BPNT2: variants seen among roughly 807,000 people sequenced by gnomAD.
BPNT2 encodes the protein Golgi-resident adenosine 3',5'-bisphosphate 3'-phosphatase.
Under a neutral mutation model 29.3 loss-of-function variants are expected in BPNT2, and 11 were observed. That is an observed-to-expected ratio of 0.38 (90% CI 0.24 to 0.62). The LOEUF (loss-of-function observed/expected upper bound fraction) is 0.62. BPNT2 is among the 20% of genes least tolerant of loss of function. BPNT2 has a pLI of 0.62. For synonymous variants in BPNT2, 195 were observed against 187.7 expected, an observed-to-expected ratio of 1.04 and a Z score of -0.32; for missense variants, 459 against 473.4, an observed-to-expected ratio of 0.97 and a Z score of 0.28.
intron 3 of BPNT2, among the ~76,000 whole-genome samples, chr8:56,974,226 C>T (rs930105288): frequency 1.3e-5 from 2 of 152,076 alleles, no homozygotes; most frequent in South Asian, 2.1e-4. Context: ...TGAGGCTATT[C>T]GCAGTTCAGT....
intron 3 of BPNT2, among the ~76,000 whole-genome samples, chr8:56,968,454 A>G (rs1306500937): frequency 6.6e-6 from 1 of 152,120 alleles, no homozygotes; most frequent in African/African-American, 2.4e-5. Context: ...AAGAAAAATT[A>G]ATGGGATAGA....
chr8:56,977,300 T>C (rs1806157447), intron 3 of BPNT2, among the ~76,000 whole-genome samples: 1 of 152,134 alleles, frequency 6.6e-6, no homozygotes, highest in Admixed American at 6.6e-5. Flanking sequence ...TAGTTTCTTC[T>C]GGAGGCTTTG....
chr8:56,979,100 A>C (rs1230965513), intron 2 of BPNT2, among the ~76,000 whole-genome samples: 4 of 152,140 alleles, frequency 2.6e-5, no homozygotes, highest in African/African-American at 7.2e-5. Flanking sequence ...AAAATCACAC[A>C]AACAAAAGAG....
chr8:56,959,633 T>A lies in BPNT2; in HGVS notation c.*4160A>T, dbSNP rs907339742. 6.6e-6 allele frequency: 1 copy of A among 152,204 alleles called. No homozygotes were observed. The highest frequency in any genetic ancestry group is 2.4e-5 in the African/African-American group (1 of 41,438). The allele number at this position is 152,204 out of a possible 1,614,324, so 9.4% of individuals were successfully genotyped here. On this transcript the variant is annotated 3_prime_UTR_variant, in exon 5 of 5. Coordinates refer to ENST00000262644, the MANE Select transcript of BPNT2 (RefSeq NM_017813.5). Reference sequence around the variant, plus strand: ...CTAAGATTTGTAAAACTGTGATCTATCCTGGTCTAATATTATTAAAATTAA... The same window carrying A: ...CTAAGATTTGTAAAACTGTGATCTAACCTGGTCTAATATTATTAAAATTAA...
At chr8:56,989,938 G>T (rs566357126) in intron 1 of BPNT2, among the ~76,000 whole-genome samples, 94 of 152,216 alleles carry the variant, frequency 6.2e-4, no homozygotes, top group African/African-American at 2.1e-3. Flanking sequence ...TCTGTTTTCA[G>T]TGCTTATGTC....
In BPNT2 at chr8:56,961,488, T is replaced by TA. The variant is rs1245680785; in HGVS notation, c.*2304dup. On this transcript the variant is annotated 3_prime_UTR_variant, in exon 5 of 5. Coordinates refer to ENST00000262644, the MANE Select transcript of BPNT2 (RefSeq NM_017813.5). Reference sequence around the variant, plus strand: ...CAACATATTATAAAAATAATGTATTTAACTCTCAACCAATACCTTAAGTTT... The same window carrying TA: ...CAACATATTATAAAAATAATGTATTTAAACTCTCAACCAATACCTTAAGTTT... The TA allele has an allele frequency of 1.3e-5, 2 of 152,208 alleles. No homozygotes were observed. The highest frequency in any genetic ancestry group is 4.8e-5 in the African/African-American group (2 of 41,442). The allele number at this position is 152,208 out of a possible 1,614,324, so 9.4% of individuals were successfully genotyped here.
At chr8:56,966,059 C>A in intron 4 of BPNT2, 132 bp downstream of exon 4, 1 of 974,788 alleles carries the variant, frequency 1.0e-6, no homozygotes, top group Non-Finnish European at 1.6e-6. Flanking sequence ...AAACAGGAGA[C>A]CAAGCCTGTC....
chr8:56,960,342 T>A lies in BPNT2; in HGVS notation c.*3451A>T, dbSNP rs1236658592. ...GACCAGGGTAGATGTCTGCTTTGCA[T>A]CCTCCCTGTTACCCTTCTCCTGACC... On this transcript the variant is annotated 3_prime_UTR_variant, in exon 5 of 5. Coordinates refer to ENST00000262644, the MANE Select transcript of BPNT2 (RefSeq NM_017813.5). The A allele has an allele frequency of 2.0e-5, 3 of 152,170 alleles. No individual in the cohort carries two copies. Among genetic ancestry groups the A allele is most frequent in the Middle Eastern group, 3.1e-3 (1 of 318 alleles). 9.4% of individuals were successfully genotyped at this position (152,170 alleles called of 1,614,324 possible).
At chr8:56,979,598 A>T (rs1806206384) in intron 2 of BPNT2, among the ~76,000 whole-genome samples, 1 of 152,202 alleles carries the variant, frequency 6.6e-6, no homozygotes, top group Non-Finnish European at 1.5e-5. Context: ...TAAATAGATA[A>T]ACTGTAACAT....
At chr8:56,993,040 T>C (rs958724154) in intron 1 of BPNT2, among the ~76,000 whole-genome samples, 159 bp downstream of exon 1, 2 of 152,040 alleles carry the variant, frequency 1.3e-5, no homozygotes, top group African/African-American at 2.4e-5. Context: ...CTCACCCAGC[T>C]CCTCTGCTGT....
intron 3 of BPNT2, among the ~76,000 whole-genome samples, chr8:56,974,586 CA>C (rs1806098359): frequency 6.6e-6 from 1 of 152,176 alleles, no homozygotes; most frequent in Non-Finnish European, 1.5e-5. Flanking sequence ...AGGGCACAAG[CA>C]AACATTCAGT....
At chr8:56,979,893 T>A in intron 2 of BPNT2, 142 bp downstream of exon 2, 1 of 736,526 alleles carries the variant, frequency 1.4e-6, no homozygotes, top group South Asian at 1.6e-5. Flanking sequence ...GTGTCCAATA[T>A]AAAACATTTT....
At chr8:56,971,256 T>A (rs1272788544) in intron 3 of BPNT2, among the ~76,000 whole-genome samples, 2 of 145,678 alleles carry the variant, frequency 1.4e-5, no homozygotes, top group Non-Finnish European at 3.0e-5. Flanking sequence ...TTATTTTACC[T>A]GTAAGATAAG....
chr8:56,971,348 A>C (rs1028652661), intron 3 of BPNT2, among the ~76,000 whole-genome samples: 1 of 151,970 alleles, frequency 6.6e-6, no homozygotes, highest in African/African-American at 2.4e-5. Flanking sequence ...CAGAAATAAC[A>C]ATTTATTATT....
At chr8:56,966,421 C>A in intron 3 of BPNT2, 69 bp from the exon 4 acceptor site, 1 of 1,349,262 alleles carries the variant, frequency 7.4e-7, no homozygotes, top group Non-Finnish European at 1.1e-6. Context: ...TTCTTCAGAA[C>A]CCAAAGTGCT....
intron 1 of BPNT2, among the ~76,000 whole-genome samples, chr8:56,987,125 G>C (rs1267384220): frequency 6.6e-6 from 1 of 152,186 alleles, no homozygotes; most frequent in East Asian, 1.9e-4. Context: ...TAGTATGCTA[G>C]TTCAGTTACT....
At chr8:56,971,075 T>C (rs1806022910) in intron 3 of BPNT2, among the ~76,000 whole-genome samples, 1 of 152,084 alleles carries the variant, frequency 6.6e-6, no homozygotes. Context: ...ATTGCTGACT[T>C]AGTATTTTTA....
At position 56,960,987 on chromosome 8, in the gene BPNT2, TC is replaced by T. The variant is rs1463604683; in HGVS notation, c.*2805del. The T allele has an allele frequency of 3.3e-5, 5 of 152,024 alleles. No individual in the cohort carries two copies. The highest frequency in any genetic ancestry group is 1.2e-4 in the African/African-American group (5 of 41,362). 9.4% of individuals were successfully genotyped at this position (152,024 alleles called of 1,614,324 possible). A position where few individuals can be genotyped will look rare whatever the true frequency, so the allele number is the denominator to read the frequency against. Reference sequence around the variant, plus strand: ...GGGAGTGAGAGTTGTGAGGGAAGTATCCTGGCTAAGAAAGAAAAGCAGAGAT... The same window carrying T: ...GGGAGTGAGAGTTGTGAGGGAAGTATCTGGCTAAGAAAGAAAAGCAGAGAT... On this transcript the variant is annotated 3_prime_UTR_variant, in exon 5 of 5. Coordinates refer to ENST00000262644, the MANE Select transcript of BPNT2 (RefSeq NM_017813.5).
intron 3 of BPNT2, among the ~76,000 whole-genome samples, chr8:56,977,272 T>C (rs1034701025): frequency 3.9e-5 from 6 of 152,084 alleles, no homozygotes; most frequent in African/African-American, 1.4e-4. Context: ...AAGTCTAAAA[T>C]CAAGGGGTCA....
Sources: allele counts gnomAD v4.1 joint callset (sites outside exome capture counted in the v4.1 genomes callset), GRCh38; gene constraint gnomAD v4.1.1; transcripts MANE v1.5; gene names NCBI Gene and HGNC (gene_info 2026-07-23, HGNC 2026-07-21).